Variants in TPM1 observed in about 807,000 individuals in gnomAD.
TPM1 encodes tropomyosin alpha-1 chain.
A neutral mutation model predicts 42.9 loss-of-function variants in TPM1; 24 were observed. The observed-to-expected ratio is 0.56, with a 90% CI of 0.41 to 0.79. TPM1 has a LOEUF of 0.79. Ranked by LOEUF, TPM1 falls within the 30% of genes least tolerant of loss-of-function variation. TPM1 has a pLI of 0.00. For missense variants in TPM1, 158 were observed against 351.8 expected (o/e 0.45, Z 4.41); for synonymous variants, 136 against 130.1 (o/e 1.05, Z -0.31).
At position 63,057,699 on chromosome 15, in the gene TPM1, C is replaced by G. The variant is rs77034170; in HGVS notation, c.374+581C>G. ...GTTCTGAGCCCACCTCCACTGTAATCTGGCTGTAGCTGAATTATTACTCAG... is the reference window on the plus strand; with the variant it reads ...GTTCTGAGCCCACCTCCACTGTAATGTGGCTGTAGCTGAATTATTACTCAG... On this transcript the variant is annotated intron_variant, in intron 3 of 9. Transcript: ENST00000403994. Among the ~76,000 whole-genome samples the G allele has an allele frequency of 6.9e-3, 1,049 of 152,336 alleles. 8 individuals are homozygous for G. Among genetic ancestry groups the G allele is most frequent in the Non-Finnish European group, 0.012 (783 of 68,032 alleles).
chr15:63,053,658 C>T (rs886745587), intron 2 of TPM1, among the ~76,000 whole-genome samples: 1 of 149,670 alleles, frequency 6.7e-6, no homozygotes. Flanking sequence ...TCTAGGGACA[C>T]GGCCTGGAAG....
chr15:63,062,487 T>A, intron 7 of TPM1, 89 bp from the exon 8 acceptor site: 1 of 1,470,394 alleles, frequency 6.8e-7, no homozygotes, highest in South Asian at 1.1e-5. Context: ...ATAGGTGATG[T>A]GCTTCATTTT....
downstream of TPM1, among the ~76,000 whole-genome samples, chr15:63,067,367 GCTTTT>G (rs2036342558): frequency 6.6e-6 from 1 of 152,178 alleles, no homozygotes; most frequent in African/African-American, 2.4e-5. Flanking sequence ...ATGATTTCAT[GCTTTT>G]CTTTTCTTAA....
At chr15:63,071,084 C>T (rs1233125950), downstream of TPM1, 2 of 1,614,024 alleles carry the variant, frequency 1.2e-6, no homozygotes, top group South Asian at 2.2e-5. Context: ...TCTAATCTCA[C>T]CACAGAGAAA....
chr15:63,052,194 T>A (rs1224185254), intron 2 of TPM1, among the ~76,000 whole-genome samples: 1 of 152,184 alleles, frequency 6.6e-6, no homozygotes, highest in Admixed American at 6.5e-5. Flanking sequence ...ATTGAAAGAC[T>A]TCACTGGCAG....
At position 63,066,173 on chromosome 15, in the gene TPM1, C is replaced by A. The variant is rs1418498305; in HGVS notation, c.*274C>A. 6.9e-7 allele frequency: 1 copy of A among 1,440,368 alleles called. No individual in the cohort carries two copies. Among genetic ancestry groups the A allele is most frequent in the African/African-American group, 1.4e-5 (1 of 69,686 alleles). 89.2% of individuals were successfully genotyped at this position (1,440,368 alleles called of 1,614,324 possible). A position where few individuals can be genotyped will look rare whatever the true frequency, so the allele number is the denominator to read the frequency against. On this transcript the variant is annotated 3_prime_UTR_variant, in exon 10 of 10. Transcript: ENST00000403994. Reference sequence around the variant, plus strand: ...TGAATAAAACTACAAAGCTGCTTCACACATATGAGGGTTAGTGTTTGGCTG... The same window carrying A: ...TGAATAAAACTACAAAGCTGCTTCAAACATATGAGGGTTAGTGTTTGGCTG...
At chr15:63,070,542 A>G, downstream of TPM1, 1 of 995,338 alleles carries the variant, frequency 1.0e-6, no homozygotes, top group Non-Finnish European at 1.2e-6. Flanking sequence ...AACACTATAA[A>G]AATATTAAGA....
intron 1 of TPM1, chr15:63,043,288 AG>A: frequency 1.9e-6 from 1 of 513,878 alleles, no homozygotes; most frequent in Middle Eastern, 3.0e-4. Flanking sequence ...GGATGGAGAA[AG>A]GGGGTCGAGT....
downstream of TPM1, chr15:63,071,176 C>T (rs770839371): frequency 1.2e-6 from 2 of 1,611,344 alleles, no homozygotes; most frequent in Non-Finnish European, 1.7e-6. Context: ...CATGTGAAAA[C>T]CTCCTTAGCT....
chr15:63,060,817 T>A, intron 4 of TPM1, 52 bp from the exon 5 acceptor site: 1 of 1,605,782 alleles, frequency 6.2e-7, no homozygotes, highest in Non-Finnish European at 8.5e-7. Context: ...GCCCTTCTGT[T>A]ACACAAAGCT....
At chr15:63,070,602 C>A, downstream of TPM1, 1 of 1,005,716 alleles carries the variant, frequency 9.9e-7, no homozygotes, top group Non-Finnish European at 1.2e-6. Context: ...TTTTTATGAG[C>A]AACAGAAATA....
chr15:63,045,267 G>T (rs1447194934), intron 2 of TPM1: 2 of 152,142 alleles, frequency 1.3e-5, no homozygotes, highest in Non-Finnish European at 2.9e-5. Context: ...TGTATATCCA[G>T]GTGTGCTTTG....
downstream of TPM1, chr15:63,066,258 A>T (rs1028942775): frequency 1.2e-5 from 13 of 1,104,832 alleles, no homozygotes; most frequent in Non-Finnish European, 1.4e-5. Context: ...TTTCTAAAGC[A>T]GTAGTTCCTT....
chr15:63,051,216 T>G (rs2033790142), intron 2 of TPM1, among the ~76,000 whole-genome samples: 1 of 152,224 alleles, frequency 6.6e-6, no homozygotes, highest in South Asian at 2.1e-4. Context: ...TCTTAATTAG[T>G]AACATGATTA....
At chr15:63,043,928 C>T in intron 1 of TPM1, 99 bp from the exon 2 acceptor site, 2 of 1,557,420 alleles carry the variant, frequency 1.3e-6, no homozygotes, top group Non-Finnish European at 1.7e-6. Flanking sequence ...CTCCCGCTGT[C>T]CCTGTCCTTC....
intron 2 of TPM1, among the ~76,000 whole-genome samples, chr15:63,053,894 C>A (rs969351274): frequency 2.0e-4 from 31 of 152,026 alleles, no homozygotes; most frequent in Admixed American, 3.3e-4. Flanking sequence ...GTTGGTCAGG[C>A]TGGTCTCGAA....
At chr15:63,067,349 A>G (rs2036341215), downstream of TPM1, among the ~76,000 whole-genome samples, 1 of 152,228 alleles carries the variant, frequency 6.6e-6, no homozygotes, top group African/African-American at 2.4e-5. Context: ...GAGTTTATAA[A>G]GACTTCCATG....
Position 63,044,024 on chromosome 15 carries a change from C to T in TPM1, c.115-3C>T, listed in dbSNP as rs764205680. ...CTCCCTGTACCCCCTGGCCAACTCC[C>T]AGCTGGAAGATGAGCTGGTGTCACT... On this transcript the variant is annotated splice_region_variant and splice_polypyrimidine_tract_variant and intron_variant, in intron 1 of 9. Coordinates refer to ENST00000403994, the MANE Select transcript of TPM1 (RefSeq NM_001018005.2). The T allele has an allele frequency of 8.7e-6, 14 of 1,613,842 alleles. No individual in the cohort carries two copies. The highest frequency in any genetic ancestry group is 1.2e-5 in the Non-Finnish European group (14 of 1,179,852).
At chr15:63,048,484 T>TGGGCAGCCA in intron 2 of TPM1, 3 of 1,424,172 alleles carry the variant, frequency 2.1e-6, no homozygotes, top group South Asian at 1.5e-5. Flanking sequence ...GGACCGGCGC[T>TGGGCAGCCA]GGGCAGCCAG....
Sources: allele counts gnomAD v4.1 joint callset (sites outside exome capture counted in the v4.1 genomes callset), GRCh38; gene constraint gnomAD v4.1.1; transcripts MANE v1.5; gene names NCBI Gene and HGNC (gene_info 2026-07-23, HGNC 2026-07-21).